NUCB2: variants seen among roughly 807,000 people sequenced by gnomAD.
NUCB2 encodes the protein nucleobindin 2.
NUCB2 carries 48 observed loss-of-function variants against 57.9 expected under a neutral mutation model. The observed-to-expected ratio is 0.83, with a 90% CI of 0.66 to 1.05. The LOEUF (loss-of-function observed/expected upper bound fraction) is 1.05. Ranked by LOEUF, NUCB2 falls within the 50% of genes least tolerant of loss-of-function variation. The pLI is 0.00. For missense variants in NUCB2, 442 were observed against 476.2 expected (o/e 0.93, Z 0.67); for synonymous variants, 139 against 152.1 (o/e 0.91, Z 0.64).
At chr11:17,304,052 A>G (rs928637286) in intron 5 of NUCB2, among the ~76,000 whole-genome samples, 1 of 152,148 alleles carries the variant, frequency 6.6e-6, no homozygotes, top group Non-Finnish European at 1.5e-5. Context: ...GTTACATCAT[A>G]CTTAGTGGGG....
Position 17,330,741 on chromosome 11 carries a change from C to G in NUCB2, c.1174-161C>G, listed in dbSNP as rs1439256883. Among the ~76,000 whole-genome samples the G allele has an allele frequency of 6.6e-6, 1 of 152,218 alleles. No homozygotes were observed. Among genetic ancestry groups the G allele is most frequent in the Admixed American group, 6.5e-5 (1 of 15,286 alleles). ...ACCTGGGCCTCTGAAATTGTTGGGA[C>G]TATAGGCGTGAGCCACTGCACCTAG... On this transcript the variant is annotated intron_variant, in intron 12 of 13. Transcript: ENST00000529010. This position sits in a 1 kb window ranked among gnomAD's most constrained non-coding sequence, Gnocchi z 4.3.
At chr11:17,332,826 C>T (rs1430777550), downstream of NUCB2, 2 of 152,224 alleles carry the variant, frequency 1.3e-5, no homozygotes, top group African/African-American at 2.4e-5. Context: ...GATCCTTCCA[C>T]CTCAGTCCCC....
chr11:17,282,767 T>G (rs1027413148), intron 1 of NUCB2, 22 bp from the exon 2 acceptor site: 5 of 152,142 alleles, frequency 3.3e-5, no homozygotes, highest in African/African-American at 1.2e-4. Flanking sequence ...ATTTATTTAT[T>G]TTTATTTTTT....
chr11:17,320,524 G>A lies in NUCB2; in HGVS notation c.1002+5049G>A, dbSNP rs1343552230. 2.0e-5 allele frequency among the ~76,000 whole-genome samples: 3 copies of A among 152,204 alleles called. No individual in the cohort carries two copies. The South Asian group carries it at 6.2e-4, about 32-fold the overall frequency. On this transcript the variant is annotated intron_variant, in intron 11 of 13. Coordinates refer to ENST00000529010, the MANE Select transcript of NUCB2 (RefSeq NM_005013.4). ...ATACAAAAATTAGCCGGGAGTGGTG[G>A]TGCACTCCTGTAATCCCAGCTGCTC...
chr11:17,309,729 T>C, intron 6 of NUCB2, 54 bp downstream of exon 6: 1 of 1,078,844 alleles, frequency 9.3e-7, no homozygotes, highest in Non-Finnish European at 1.4e-6. Context: ...GGTTTTGTAA[T>C]TTGACAAGTA....
At chr11:17,323,680 G>A (rs1950309797) in intron 11 of NUCB2, among the ~76,000 whole-genome samples, 1 of 152,172 alleles carries the variant, frequency 6.6e-6, no homozygotes, top group Non-Finnish European at 1.5e-5. Context: ...GTAGAATTCA[G>A]CAGTGAAGCC....
At chr11:17,333,867 A>G (rs1056868084), downstream of NUCB2, 2 of 152,238 alleles carry the variant, frequency 1.3e-5, no homozygotes, top group Admixed American at 1.3e-4. Context: ...TCTCTCAGCA[A>G]AGCTATTTTT....
chr11:17,283,293 G>C (rs1293582607), intron 2 of NUCB2, among the ~76,000 whole-genome samples: 1 of 152,192 alleles, frequency 6.6e-6, no homozygotes. Context: ...TTCCTTTAAG[G>C]AGAATTCCTG....
At position 17,319,556 on chromosome 11, in the gene NUCB2, A is replaced by G. The variant is rs56087480; in HGVS notation, c.1002+4081A>G. Among the ~76,000 whole-genome samples the G allele has an allele frequency of 2.3e-3, 346 of 152,328 alleles. 1 individual carries two copies. Among genetic ancestry groups the G allele is most frequent in the Admixed American group, 3.9e-3 (59 of 15,294 alleles). On this transcript the variant is annotated intron_variant, in intron 11 of 13. Transcript: ENST00000529010. ...GGGGAATTAAAAGAATATGTATATA[A>G]TATGGATGTGTATATGTACATATGT...
chr11:17,300,133 C>T (rs1946459903), intron 4 of NUCB2, among the ~76,000 whole-genome samples: 1 of 151,992 alleles, frequency 6.6e-6, no homozygotes, highest in Admixed American at 6.6e-5. Context: ...ATCTCAGCCT[C>T]CTGAGTAGCT....
intron 5 of NUCB2, among the ~76,000 whole-genome samples, chr11:17,306,911 C>CAAAA (rs200996662): frequency 1.2e-5 from 1 of 80,022 alleles, no homozygotes; most frequent in African/African-American, 4.3e-5. Flanking sequence ...GACTCCGTCT[C>CAAAA]AAAAAAAAAA....
At chr11:17,341,707 A>G (rs997631908) in intron 2 of NUCB2, among the ~76,000 whole-genome samples, 1 of 152,056 alleles carries the variant, frequency 6.6e-6, no homozygotes, top group African/African-American at 2.4e-5. Flanking sequence ...GTGCTGCTGG[A>G]TTCAGTTTGC....
intron 2 of NUCB2, among the ~76,000 whole-genome samples, chr11:17,339,018 C>CA (rs1180112637): frequency 6.8e-6 from 1 of 146,106 alleles, no homozygotes; most frequent in Non-Finnish European, 1.5e-5. Context: ...GATGGAGCCT[C>CA]ACTCTGTTGC....
intron 5 of NUCB2, 49 bp downstream of exon 5, chr11:17,301,919 A>G: frequency 2.0e-6 from 3 of 1,536,070 alleles, no homozygotes; most frequent in Non-Finnish European, 1.8e-6. Flanking sequence ...TTTCCTTTTG[A>G]AACAGCGTTT....
chr11:17,332,332 C>G (rs1228918858), downstream of NUCB2: 2 of 151,764 alleles, frequency 1.3e-5, no homozygotes, highest in Non-Finnish European at 2.9e-5. Context: ...CACTGATGGC[C>G]ACACCTAGCT....
intron 2 of NUCB2, among the ~76,000 whole-genome samples, chr11:17,346,598 G>C (rs1466377140): frequency 2.0e-5 from 3 of 152,168 alleles, no homozygotes; most frequent in Admixed American, 2.0e-4. Context: ...CATGATGTTG[G>C]TATAGTGGAA....
chr11:17,321,271 G>A (rs1467567845), intron 11 of NUCB2, among the ~76,000 whole-genome samples: 1 of 151,178 alleles, frequency 6.6e-6, no homozygotes, highest in Non-Finnish European at 1.5e-5. Flanking sequence ...CTAGCCTCTG[G>A]TAACCATCCT....
At chr11:17,281,507 G>T (rs1000561303) in intron 1 of NUCB2, among the ~76,000 whole-genome samples, 1 of 152,148 alleles carries the variant, frequency 6.6e-6, no homozygotes, top group African/African-American at 2.4e-5. Context: ...GACAAGAAGG[G>T]CATTAATATT....
intron 2 of NUCB2, among the ~76,000 whole-genome samples, chr11:17,294,295 A>G (rs926069681): frequency 6.6e-5 from 10 of 151,898 alleles, no homozygotes; most frequent in African/African-American, 2.4e-4. Context: ...CCTGGCCCCC[A>G]CCCCAGAGGT....
Sources: allele counts gnomAD v4.1 joint callset (sites outside exome capture counted in the v4.1 genomes callset), GRCh38; gene constraint gnomAD v4.1.1; non-coding constraint Gnocchi (gnomAD v3.1); transcripts MANE v1.5; gene names NCBI Gene and HGNC (gene_info 2026-07-23, HGNC 2026-07-21).